The following PCDH11X variants were observed in gnomAD, a reference collection of about 807,000 sequenced individuals.
PCDH11X encodes the protein protocadherin-11 X-linked.
In PCDH11X, 18 loss-of-function variants were observed where a neutral mutation model predicts 53.3. That is an observed-to-expected ratio of 0.34 (90% confidence interval 0.23 to 0.50). PCDH11X has a LOEUF of 0.50. Among genes scored for constraint, PCDH11X ranks in the 20% least tolerant of loss-of-function variants. The pLI is 0.98. For missense variants in PCDH11X, 570 were observed against 1,032.4 expected (o/e 0.55, Z 6.14); for synonymous variants, 279 against 393.3 (o/e 0.71, Z 3.44).
chrX:92,478,860 G>A (rs1004029712), intron 10 of PCDH11X, among the ~76,000 whole-genome samples: 1 of 111,084 alleles, frequency 9.0e-6, no homozygotes, highest in African/African-American at 3.3e-5. Context: ...TGGTATTTGG[G>A]TAGAGATTTC....
intron 1 of PCDH11X, among the ~76,000 whole-genome samples, chrX:91,800,634 A>G (rs1490139351): frequency 1.8e-5 from 2 of 111,904 alleles, no homozygotes; most frequent in Non-Finnish European, 3.8e-5. Flanking sequence ...CTTAATGTTC[A>G]TGTACCTAGT....
chrX:92,574,854 A>G (rs1289752013), intron 10 of PCDH11X, among the ~76,000 whole-genome samples: 2 of 110,914 alleles, frequency 1.8e-5, no homozygotes, highest in East Asian at 5.6e-4. Flanking sequence ...TACAAAAAAT[A>G]CTGTGTGTTT....
At chrX:92,416,183 T>C (rs2071806258) in intron 9 of PCDH11X, among the ~76,000 whole-genome samples, 1 of 110,696 alleles carries the variant, frequency 9.0e-6, no homozygotes, top group South Asian at 3.8e-4. Flanking sequence ...GAAAGGGTAG[T>C]GGGGTGATTG....
At chrX:92,580,421 C>G (rs1311018126) in intron 10 of PCDH11X, among the ~76,000 whole-genome samples, 1 of 103,020 alleles carries the variant, frequency 9.7e-6, no homozygotes, top group Non-Finnish European at 2.0e-5. Context: ...AGAGTTCTAT[C>G]TGTAAACTGG....
intron 7 of PCDH11X, among the ~76,000 whole-genome samples, chrX:92,221,037 T>C (rs1441329728): frequency 1.6e-5 from 1 of 61,800 alleles, no homozygotes; most frequent in Admixed American, 2.6e-4. Context: ...CATCACACTC[T>C]GGGGACTGTT....
chrX:92,029,983 A>C (rs2148012497), intron 6 of PCDH11X, among the ~76,000 whole-genome samples: 1 of 111,997 alleles, frequency 8.9e-6, no homozygotes, highest in East Asian at 2.8e-4. Flanking sequence ...ATTTTTTTTG[A>C]GATGGAGTCT....
chrX:92,596,077 A>G (rs2750656), intron 10 of PCDH11X, among the ~76,000 whole-genome samples: 6 of 112,149 alleles, frequency 5.4e-5, no homozygotes, highest in African/African-American at 1.9e-4. Context: ...CAACTATACC[A>G]AAGATGGTAT....
intron 6 of PCDH11X, among the ~76,000 whole-genome samples, chrX:92,020,690 C>T (rs752603349): frequency 9.2e-4 from 102 of 111,195 alleles, no homozygotes; most frequent in African/African-American, 3.2e-3. Context: ...CACCAAGAAA[C>T]AGTCAAAGTG....
intron 8 of PCDH11X, among the ~76,000 whole-genome samples, chrX:92,277,477 G>A (rs2068125571): frequency 9.2e-6 from 1 of 109,157 alleles, no homozygotes; most frequent in Non-Finnish European, 1.9e-5. Flanking sequence ...GGCCAAGGGA[G>A]TAGAAGGAGG....
At chrX:92,280,545 T>G (rs2068227288) in intron 8 of PCDH11X, among the ~76,000 whole-genome samples, 1 of 108,389 alleles carries the variant, frequency 9.2e-6, no homozygotes, top group African/African-American at 3.3e-5. Context: ...AATAAATAAA[T>G]AAATAAATAA....
intron 6 of PCDH11X, among the ~76,000 whole-genome samples, chrX:91,921,709 A>G (rs912417960): frequency 3.8e-5 from 4 of 105,149 alleles, no homozygotes; most frequent in African/African-American, 1.4e-4. Flanking sequence ...TCATTAACCT[A>G]CTGAAGGATA....
intron 6 of PCDH11X, among the ~76,000 whole-genome samples, chrX:92,109,392 A>G (rs2064454001): frequency 9.1e-6 from 1 of 110,231 alleles, no homozygotes; most frequent in Non-Finnish European, 1.9e-5. Context: ...AACATTTAAG[A>G]TAACTTGGCA....
intron 8 of PCDH11X, among the ~76,000 whole-genome samples, chrX:92,284,562 A>G (rs2068319710): frequency 8.9e-6 from 1 of 112,045 alleles, no homozygotes; most frequent in South Asian, 3.6e-4. Flanking sequence ...GTTATTACTG[A>G]CCCTCTTCCA....
chrX:92,125,811 C>G (rs1369364056), intron 6 of PCDH11X, among the ~76,000 whole-genome samples: 1 of 110,298 alleles, frequency 9.1e-6, no homozygotes, highest in Non-Finnish European at 1.9e-5. Flanking sequence ...CCTCCACCCC[C>G]CTACATTTGC....
chrX:91,990,517 T>A (rs2062304836), intron 6 of PCDH11X, among the ~76,000 whole-genome samples: 1 of 111,886 alleles, frequency 8.9e-6, no homozygotes, highest in South Asian at 3.7e-4. Flanking sequence ...CATGGTATGA[T>A]GAGTGATTTT....
At chrX:92,251,101 AT>A (rs1041629207) in intron 7 of PCDH11X, among the ~76,000 whole-genome samples, 2 of 111,018 alleles carry the variant, frequency 1.8e-5, no homozygotes, top group African/African-American at 3.3e-5. Context: ...GAGTTAATTA[AT>A]TTTTTTAATG....
rs2061977979 is a variant in PCDH11X at position 91,972,514 on chromosome X, G to A, written c.3033+93241G>A. ...TTGCTTTTGGTGTTTTGGACATGAAGCCCTTGCCCATGCCTACATCCTGAA... is the reference window on the plus strand; with the variant it reads ...TTGCTTTTGGTGTTTTGGACATGAAACCCTTGCCCATGCCTACATCCTGAA... On this transcript the variant is annotated intron_variant, in intron 6 of 10. Coordinates refer to ENST00000682573, the MANE Select transcript of PCDH11X (RefSeq NM_032968.5). Among the ~76,000 whole-genome samples the A allele has an allele frequency of 2.7e-5, 3 of 110,073 alleles. No homozygotes were observed. In the South Asian group the frequency reaches 1.2e-3, roughly 43 times the overall value.
chrX:92,506,803 A>G (rs1394284983), intron 10 of PCDH11X, among the ~76,000 whole-genome samples: 2 of 110,659 alleles, frequency 1.8e-5, no homozygotes, highest in East Asian at 5.8e-4. Context: ...GCTGTTCTCT[A>G]TACATATGTT....
Position 92,119,590 on chromosome X carries a change from C to T in PCDH11X, c.3034-81785C>T, listed in dbSNP as rs538235782. Among the ~76,000 whole-genome samples the T allele has an allele frequency of 2.6e-4, 29 of 110,552 alleles. No individual in the cohort carries two copies. In the South Asian group the frequency reaches 0.01, roughly 40 times the overall value. On this transcript the variant is annotated intron_variant, in intron 6 of 10. Transcript: ENST00000682573. ...AAATGGAGATGGAATTTTGGGAGTC[C>T]CTAAGCAATTCAATAATTTCTCAAA... is the stretch of plus-strand genomic sequence containing the variant.
Sources: allele counts gnomAD v4.1 joint callset (sites outside exome capture counted in the v4.1 genomes callset), GRCh38; gene constraint gnomAD v4.1.1; transcripts MANE v1.5; gene names NCBI Gene and HGNC (gene_info 2026-07-23, HGNC 2026-07-21).